Variants in DHRSX observed in about 807,000 individuals in gnomAD.
DHRSX encodes polyprenol dehydrogenase.
Under a neutral mutation model 34.0 loss-of-function variants are expected in DHRSX, and 31 were observed. That is an observed-to-expected ratio of 0.91 (90% CI 0.69 to 1.23). DHRSX has a LOEUF of 1.23. Among genes scored for constraint, DHRSX ranks in the 50% most tolerant of loss-of-function variants. DHRSX has a pLI of 0.00. For synonymous variants in DHRSX, 201 were observed against 183.8 expected, an observed-to-expected ratio of 1.09 and a Z score of -0.76; for missense variants, 414 against 428.1, an observed-to-expected ratio of 0.97 and a Z score of 0.29.
intron 5 of DHRSX, among the ~76,000 whole-genome samples, chrX:2,252,388 A>G (rs1005083586): frequency 2.0e-5 from 3 of 152,120 alleles, no homozygotes; most frequent in African/African-American, 4.8e-5. Context: ...AACTTCTCCA[A>G]TCTCCTCACC....
At chrX:2,440,837 T>G (rs1359792435) in intron 1 of DHRSX, among the ~76,000 whole-genome samples, 1 of 152,170 alleles carries the variant, frequency 6.6e-6, no homozygotes, top group South Asian at 2.1e-4. Context: ...TGTGATCGTG[T>G]GAGTCAATTA....
chrX:2,403,766 G>T (rs1442186858), intron 3 of DHRSX, among the ~76,000 whole-genome samples: 1 of 150,738 alleles, frequency 6.6e-6, no homozygotes, highest in African/African-American at 2.4e-5. Flanking sequence ...TGAGGCAGGA[G>T]AATCGCTTGA....
intron 3 of DHRSX, among the ~76,000 whole-genome samples, chrX:2,296,572 AGGC>A (rs2041935348): frequency 7.3e-5 from 8 of 109,462 alleles, no homozygotes; most frequent in Non-Finnish European, 1.3e-4. Context: ...AATAGGACCC[AGGC>A]AGATAGGAAT....
At chrX:2,319,270 T>A (rs892024342) in intron 3 of DHRSX, among the ~76,000 whole-genome samples, 1 of 130,960 alleles carries the variant, frequency 7.6e-6, no homozygotes, top group Non-Finnish European at 1.6e-5. Context: ...TCCTGCAGAG[T>A]GCAGTGACTC....
chrX:2,285,920 G>A lies in DHRSX; in HGVS notation c.388+5582C>T, dbSNP rs776943457. On this transcript the variant is annotated intron_variant, in intron 4 of 6. Transcript: ENST00000334651. ...AGCTGGTGATGAACCCATTCTCAGC[G>A]TTGACTGTATAGAATCCAGCCTTCT... 9.2e-5 allele frequency among the ~76,000 whole-genome samples: 14 copies of A among 152,064 alleles called. No homozygotes were observed. The South Asian group carries it at 1.7e-3, about 18-fold the overall frequency.
At chrX:2,443,893 C>G (rs2044094598) in intron 1 of DHRSX, among the ~76,000 whole-genome samples, 1 of 151,900 alleles carries the variant, frequency 6.6e-6, no homozygotes, top group South Asian at 2.1e-4. Context: ...GTAGTCCCAG[C>G]TACTCGGGAG....
chrX:2,327,007 TTCG>T (rs935380475), intron 3 of DHRSX, among the ~76,000 whole-genome samples: 5 of 152,086 alleles, frequency 3.3e-5, no homozygotes, highest in Non-Finnish European at 5.9e-5. Flanking sequence ...GAGATGGGGT[TTCG>T]CCATGTTGGC....
Position 2,425,276 on chromosome X carries a change from A to G in DHRSX, c.138T>C (p.Ala46=). 6 of 1,613,942 alleles carry G rather than the reference A, an allele frequency of 3.7e-6. No individual in the cohort carries two copies. Among genetic ancestry groups the G allele is most frequent in the Non-Finnish European group, 5.1e-6 (6 of 1,179,838 alleles). Residue 46 remains alanine (A), a synonymous_variant, in exon 2 of 7, where the codon GCT becomes GCC. Coordinates refer to ENST00000334651, the MANE Select transcript of DHRSX (RefSeq NM_145177.3). ...TGCCATCTGTCCCTCCCGTCACTAT[A>G]GCGACACGGTCAGGTCGTGGGGGGA... ...PVFPPRPDRV[A]IVTGGTDGIG...
At chrX:2,222,985 C>T (rs1352024705) in intron 6 of DHRSX, among the ~76,000 whole-genome samples, 10 of 152,162 alleles carry the variant, frequency 6.6e-5, no homozygotes, top group Admixed American at 6.6e-4. Context: ...ACTGACTTGC[C>T]TCTGCTCTTC....
intron 3 of DHRSX, among the ~76,000 whole-genome samples, chrX:2,345,134 C>T (rs1274780636): frequency 1.1e-4 from 16 of 151,852 alleles, no homozygotes; most frequent in Non-Finnish European, 4.4e-5. Context: ...TACTGCCCAA[C>T]TTGTGTTCTG....
At chrX:2,307,929 A>G (rs34907592) in intron 3 of DHRSX, among the ~76,000 whole-genome samples, 51,234 of 151,740 alleles carry the variant, frequency 0.34, 10,313 homozygotes, top group Middle Eastern at 0.48. Flanking sequence ...TTCACCTGGA[A>G]CCTAACCCAT....
chrX:2,246,624 AAAAGAAAG>A (rs1193153737), intron 5 of DHRSX, among the ~76,000 whole-genome samples: 62 of 151,544 alleles, frequency 4.1e-4, no homozygotes, highest in African/African-American at 1.4e-3. Flanking sequence ...GTCTGTCAAA[AAAAGAAAG>A]AAAGAAAGAC....
chrX:2,356,830 G>C (rs1323031252), intron 3 of DHRSX, among the ~76,000 whole-genome samples: 1 of 152,166 alleles, frequency 6.6e-6, no homozygotes, highest in Non-Finnish European at 1.5e-5. Context: ...TTTAGTCTAA[G>C]CATAAAGTAT....
chrX:2,243,380 GT>G (rs2016190258), intron 5 of DHRSX, 150 bp from the exon 6 acceptor site: 1 of 626,928 alleles, frequency 1.6e-6, no homozygotes, highest in East Asian at 2.8e-5. Context: ...CTGTTGGCCA[GT>G]TTTCCAACGC....
At chrX:2,356,919 G>A (rs1276401188) in intron 3 of DHRSX, among the ~76,000 whole-genome samples, 2 of 152,058 alleles carry the variant, frequency 1.3e-5, no homozygotes, top group Non-Finnish European at 2.9e-5. Flanking sequence ...TAAACAGTAG[G>A]CTATTAATAA....
At chrX:2,234,659 C>A (rs952298025) in intron 6 of DHRSX, among the ~76,000 whole-genome samples, 3 of 152,332 alleles carry the variant, frequency 2.0e-5, no homozygotes, top group Non-Finnish European at 4.4e-5. Flanking sequence ...GAAATCATGT[C>A]TTTTGCAGTG....
At chrX:2,301,341 G>A (rs1017813131) in intron 3 of DHRSX, among the ~76,000 whole-genome samples, 1 of 152,306 alleles carries the variant, frequency 6.6e-6, no homozygotes, top group South Asian at 2.1e-4. Context: ...TTGAACCTGG[G>A]AGGCGGAGGT....
intron 1 of DHRSX, among the ~76,000 whole-genome samples, chrX:2,430,688 A>G (rs2043907735): frequency 6.6e-6 from 1 of 151,960 alleles, no homozygotes; most frequent in South Asian, 2.1e-4. Flanking sequence ...TCTCTGGCCC[A>G]TCATGTTCCT....
chrX:2,241,835 G>A (rs2016148179), intron 6 of DHRSX, among the ~76,000 whole-genome samples: 1 of 152,056 alleles, frequency 6.6e-6, no homozygotes, highest in South Asian at 2.1e-4. Context: ...TTGAACCCAG[G>A]AGGCAGAGGT....
Sources: allele counts gnomAD v4.1 joint callset (sites outside exome capture counted in the v4.1 genomes callset), GRCh38; gene constraint gnomAD v4.1.1; transcripts MANE v1.5; gene names NCBI Gene and HGNC (gene_info 2026-07-23, HGNC 2026-07-21).